ZNF765: variants seen among roughly 807,000 people sequenced by gnomAD.
ZNF765 encodes the protein zinc finger protein 765.
In ZNF765, 37 loss-of-function variants were observed where a neutral mutation model predicts 44.7. The observed-to-expected ratio is 0.83, with a 90% CI of 0.64 to 1.09. The LOEUF is 1.09. Among genes scored for constraint, ZNF765 ranks in the 50% least tolerant of loss-of-function variants. ZNF765 has a pLI of 0.00. For synonymous variants in ZNF765, 201 were observed against 213.7 expected, an observed-to-expected ratio of 0.94 and a Z score of 0.52; for missense variants, 594 against 626.1, an observed-to-expected ratio of 0.95 and a Z score of 0.55.
intron 3 of ZNF765, among the ~76,000 whole-genome samples, chr19:53,405,927 ATATATATATATATATATATATAT>A (rs2085769878): frequency 1.3e-5 from 1 of 77,206 alleles, no homozygotes; most frequent in Non-Finnish European, 2.5e-5. Context: ...ATATATATAT[ATATATATATATATATATATATAT>A]AAAATTGCTG....
Position 53,409,891 on chromosome 19 carries a change from C to T in ZNF765, c.*764C>T. ...ACAAGGATAATGAGTGTAGAAAAAC[C>T]TTTCATGGGCAGTCAGCATTTTACA... is the stretch of plus-strand genomic sequence containing the variant. On this transcript the variant is annotated 3_prime_UTR_variant, in exon 4 of 4. Coordinates refer to ENST00000396408, the MANE Select transcript of ZNF765 (RefSeq NM_001040185.3). The T allele has an allele frequency of 1.6e-6, 1 of 643,240 alleles. No individual in the cohort carries two copies. The highest frequency in any genetic ancestry group is 3.0e-6 in the Non-Finnish European group (1 of 332,718). The allele number at this position is 643,240 out of a possible 1,614,324, so 39.8% of individuals were successfully genotyped here.
chr19:53,400,317 A>G (rs149080388), intron 2 of ZNF765, among the ~76,000 whole-genome samples: 60 of 152,258 alleles, frequency 3.9e-4, no homozygotes, highest in African/African-American at 1.4e-3. Context: ...CTGAATGACA[A>G]ATGGGCCTTT....
At chr19:53,397,858 TGAG>T in intron 1 of ZNF765, 82 bp from the exon 2 acceptor site, 1 of 1,304,218 alleles carries the variant, frequency 7.7e-7, no homozygotes, top group South Asian at 1.4e-5. Flanking sequence ...GTCCTCAGGA[TGAG>T]GTCTCCTTTG....
At chr19:53,406,097 C>T (rs1260442757) in intron 3 of ZNF765, among the ~76,000 whole-genome samples, 2 of 148,736 alleles carry the variant, frequency 1.3e-5, no homozygotes, top group Admixed American at 6.7e-5. Context: ...GGTGCAATCT[C>T]GGCTCACTAC....
intron 3 of ZNF765, among the ~76,000 whole-genome samples, chr19:53,403,514 C>T (rs1230711780): frequency 2.6e-5 from 4 of 152,206 alleles, no homozygotes; most frequent in Admixed American, 2.0e-4. Flanking sequence ...TTCAATGGTA[C>T]GATCTTGGCT....
intron 2 of ZNF765, among the ~76,000 whole-genome samples, chr19:53,401,285 C>T (rs1384178819): frequency 3.9e-5 from 6 of 152,132 alleles, no homozygotes; most frequent in Admixed American, 2.0e-4. Flanking sequence ...GTTTCTGGGC[C>T]GGGCACTGTG....
chr19:53,423,253 G>A, exon 4 of ZNF765: 1 of 684,348 alleles, frequency 1.5e-6, no homozygotes, highest in South Asian at 1.5e-5. Context: ...GGCAAGTGGA[G>A]CAACAAAAAT....
At chr19:53,400,781 T>TATATATATATATAC (rs1056453225) in intron 2 of ZNF765, among the ~76,000 whole-genome samples, 7 of 70,802 alleles carry the variant, frequency 9.9e-5, no homozygotes, top group African/African-American at 3.6e-4. Flanking sequence ...TATATATATA[T>TATATATATATATAC]ATACACACAT....
downstream of ZNF765, among the ~76,000 whole-genome samples, chr19:53,414,491 C>CACCACCA (rs1568786159): frequency 3.2e-4 from 5 of 15,568 alleles, no homozygotes; most frequent in Non-Finnish European, 6.7e-4. Context: ...ACACACACAC[C>CACCACCA]CCCCCCCCCC....
chr19:53,401,619 T>C (rs774218319), intron 2 of ZNF765, among the ~76,000 whole-genome samples: 7 of 151,748 alleles, frequency 4.6e-5, no homozygotes, highest in Non-Finnish European at 1.0e-4. Flanking sequence ...GGATCATGCA[T>C]GTAATTCCAG....
chr19:53,408,143 C>T lies in ZNF765; in HGVS notation c.588C>T (p.Phe196=). ...THISNDYGNN[F]LNSSLFTQKQ... is the part of the protein sequence containing the mutation. The stretch of plus-strand genomic sequence containing the variant: ...TTTCTAATGACTATGGGAATAATTT[C>T]CTGAATTCTTCATTATTCACACAAA... The change falls in exon 4 of 4, where the codon TTC becomes TTT. Residue 196 remains phenylalanine (F), a synonymous_variant. Coordinates refer to ENST00000396408, the MANE Select transcript of ZNF765 (RefSeq NM_001040185.3). 6.2e-7 allele frequency: 1 copy of T among 1,614,004 alleles called. No individual in the cohort carries two copies. Among genetic ancestry groups the T allele is most frequent in the Non-Finnish European group, 8.5e-7 (1 of 1,179,920 alleles).
At chr19:53,421,399 A>C (rs1277404706) in intron 3 of ZNF765, among the ~76,000 whole-genome samples, 2 of 152,044 alleles carry the variant, frequency 1.3e-5, no homozygotes, top group African/African-American at 4.8e-5. Context: ...CTTTTTCTAT[A>C]CTTTGTCTCT....
Position 53,410,436 on chromosome 19 carries a change from G to A in ZNF765, c.*1309G>A. The A allele has an allele frequency of 2.9e-6, 1 of 341,880 alleles. No individual in the cohort carries two copies. The highest frequency in any genetic ancestry group is 2.7e-5 in the South Asian group (1 of 37,248). The allele number at this position is 341,880 out of a possible 1,614,324, so 21.2% of individuals were successfully genotyped here. On this transcript the variant is annotated 3_prime_UTR_variant, in exon 4 of 4. Coordinates refer to ENST00000396408, the MANE Select transcript of ZNF765 (RefSeq NM_001040185.3). ...AGATAGCATAAAAATGTAAGAGTTT[G>A]TGACAAGGCTTTCAGGCATAATTCG... is the stretch of plus-strand genomic sequence containing the variant.
intron 3 of ZNF765, among the ~76,000 whole-genome samples, chr19:53,402,429 T>G (rs992996520): frequency 5.9e-5 from 9 of 151,916 alleles, no homozygotes; most frequent in Admixed American, 3.3e-4. Flanking sequence ...GCTAATTTTT[T>G]GTACTATTTT....
At chr19:53,395,560 G>A (rs2085658871) in intron 1 of ZNF765, among the ~76,000 whole-genome samples, 1 of 152,342 alleles carries the variant, frequency 6.6e-6, no homozygotes, top group East Asian at 1.9e-4. Flanking sequence ...GACGCAGCGC[G>A]GCGGCCCCAG....
chr19:53,409,522 G>A lies in ZNF765; in HGVS notation c.*395G>A. On this transcript the variant is annotated 3_prime_UTR_variant, in exon 4 of 4. Transcript: ENST00000396408. ...TACATGCCATTGTAGACTTCGTACT[G>A]GAGAGAAACCTTACAAATGTGAAGA... 1 of 1,096,570 alleles carries A rather than the reference G, an allele frequency of 9.1e-7. No individual in the cohort carries two copies. Among genetic ancestry groups the A allele is most frequent in the East Asian group, 2.4e-5 (1 of 41,394 alleles). The allele number at this position is 1,096,570 out of a possible 1,614,324, so 67.9% of individuals were successfully genotyped here. A position where few individuals can be genotyped will look rare whatever the true frequency, so the allele number is the denominator to read the frequency against.
Position 53,409,667 on chromosome 19 carries a change from C to G in ZNF765, c.*540C>G, listed in dbSNP as rs2085814960. 8.5e-7 allele frequency: 1 copy of G among 1,181,108 alleles called. No homozygotes were observed. Among genetic ancestry groups the G allele is most frequent in the Non-Finnish European group, 1.3e-6 (1 of 790,430 alleles). The allele number at this position is 1,181,108 out of a possible 1,614,324, so 73.2% of individuals were successfully genotyped here. A position where few individuals can be genotyped will look rare whatever the true frequency, so the allele number is the denominator to read the frequency against. ...TTAGTCAGAACTCATACCTTACACGCCATCGTAGACTTCATACTGGAGGAT... is the reference window on the plus strand; with the variant it reads ...TTAGTCAGAACTCATACCTTACACGGCATCGTAGACTTCATACTGGAGGAT... On this transcript the variant is annotated 3_prime_UTR_variant, in exon 4 of 4. Coordinates refer to ENST00000396408, the MANE Select transcript of ZNF765 (RefSeq NM_001040185.3).
chr19:53,405,596 A>G (rs1349966081), intron 3 of ZNF765, among the ~76,000 whole-genome samples: 1 of 150,786 alleles, frequency 6.6e-6, no homozygotes, highest in Non-Finnish European at 1.5e-5. Flanking sequence ...GGAAACAGGA[A>G]CAGGCAACGA....
chr19:53,416,328 CG>C (rs2085874946), downstream of ZNF765, among the ~76,000 whole-genome samples: 1 of 152,128 alleles, frequency 6.6e-6, no homozygotes, highest in African/African-American at 2.4e-5. Flanking sequence ...ATCGCTTGAA[CG>C]CAAGAGGCAG....
Sources: allele counts gnomAD v4.1 joint callset (sites outside exome capture counted in the v4.1 genomes callset), GRCh38; gene constraint gnomAD v4.1.1; transcripts MANE v1.5; gene names NCBI Gene and HGNC (gene_info 2026-07-23, HGNC 2026-07-21).